Variants in TEX9 observed in about 807,000 individuals in gnomAD.
TEX9 encodes the protein testis expressed 9.
Under a neutral mutation model 59.6 loss-of-function variants are expected in TEX9, and 74 were observed. The ratio of observed to expected loss-of-function variants is 1.24; its 90% CI spans 1.03 to 1.51. The LOEUF (loss-of-function observed/expected upper bound fraction) is 1.51, where lower values mean the gene tolerates loss of function less well. TEX9 is among the 40% of genes most tolerant of loss of function. TEX9 has a pLI of 0.00. For synonymous variants in TEX9, 186 were observed against 152.2 expected, an observed-to-expected ratio of 1.22 and a Z score of -1.64; for missense variants, 522 against 447.8, an observed-to-expected ratio of 1.17 and a Z score of -1.49.
chr15:56,320,695 A>G (rs752551769), intron 1 of TEX9, among the ~76,000 whole-genome samples: 2 of 152,186 alleles, frequency 1.3e-5, no homozygotes, highest in Non-Finnish European at 2.9e-5. Flanking sequence ...TGCTTGCTGT[A>G]TATAATTAGG....
At chr15:56,336,221 C>G (rs559963381) in intron 1 of TEX9, among the ~76,000 whole-genome samples, 1 of 152,256 alleles carries the variant, frequency 6.6e-6, no homozygotes, top group Admixed American at 6.5e-5. Context: ...GGGAAACAGA[C>G]TCTGAGATGG....
chr15:56,288,348 G>GT (rs1372381199), intron 1 of TEX9, among the ~76,000 whole-genome samples: 1 of 151,394 alleles, frequency 6.6e-6, no homozygotes, highest in Non-Finnish European at 1.5e-5. Flanking sequence ...ACTTTCTCAT[G>GT]TTTTTTTGTG....
At chr15:56,438,796 A>G (rs1567149314) in intron 12 of TEX9, among the ~76,000 whole-genome samples, 1 of 152,208 alleles carries the variant, frequency 6.6e-6, no homozygotes, top group Non-Finnish European at 1.5e-5. Context: ...ATTTACAAGA[A>G]AAAATCAAAC....
At chr15:56,269,305 T>G (rs2044466527) in intron 1 of TEX9, among the ~76,000 whole-genome samples, 1 of 152,164 alleles carries the variant, frequency 6.6e-6, no homozygotes, top group African/African-American at 2.4e-5. Flanking sequence ...AAGGGTTTTT[T>G]CGTGTCTCTA....
chr15:56,263,552 T>A (rs2044315157), intron 1 of TEX9, among the ~76,000 whole-genome samples: 1 of 152,122 alleles, frequency 6.6e-6, no homozygotes, highest in African/African-American at 2.4e-5. Context: ...TAATTCAGGT[T>A]TATTGAGGTA....
At chr15:56,394,622 A>T in intron 8 of TEX9, 39 bp from the exon 9 acceptor site, 1 of 1,373,846 alleles carries the variant, frequency 7.3e-7, no homozygotes, top group Non-Finnish European at 1.0e-6. Flanking sequence ...AACAAATCTT[A>T]CATATTTTTT....
At chr15:56,364,167 T>C (rs183660920), upstream of TEX9, among the ~76,000 whole-genome samples, 316 of 152,272 alleles carry the variant, frequency 2.1e-3, no homozygotes, top group South Asian at 6.0e-3. Context: ...TTTGTTTTTT[T>C]CTTGAGATGG....
chr15:56,295,694 G>C (rs1021043798), intron 1 of TEX9, among the ~76,000 whole-genome samples: 1 of 152,174 alleles, frequency 6.6e-6, no homozygotes, highest in Non-Finnish European at 1.5e-5. Context: ...TTACTACTTT[G>C]TATGCCTAGG....
chr15:56,435,951 A>C lies in TEX9; in HGVS notation c.*29+7478A>C, dbSNP rs375771252. On this transcript the variant is annotated intron_variant, in intron 12 of 12. Transcript: ENST00000352903. ...TTAAAAGAATTATTCACCATGACCA[A>C]GTAGTGTTTATTACAGGGATGCAAG... is the stretch of plus-strand genomic sequence containing the variant. Among the ~76,000 whole-genome samples, 4 of 152,208 alleles carry C rather than the reference A, an allele frequency of 2.6e-5. 1 individual carries two copies. The highest frequency in any genetic ancestry group is 6.6e-5 in the Admixed American group (1 of 15,254).
At chr15:56,304,424 T>A (rs1451976184) in intron 1 of TEX9, among the ~76,000 whole-genome samples, 1 of 152,208 alleles carries the variant, frequency 6.6e-6, no homozygotes, top group African/African-American at 2.4e-5. Context: ...CTTCATTCTG[T>A]ATCCAGTTTT....
Position 56,343,777 on chromosome 15 carries a change from C to T in TEX9, c.-106-29664C>T, listed in dbSNP as rs1427347342. On this transcript the variant is annotated intron_variant, in intron 1 of 5. Transcript: ENST00000560827. The stretch of plus-strand genomic sequence containing the variant: ...TATCTAGAATATACAAAAACTCCTA[C>T]AACCCAATAAATAAGAAAATAAATA... Among the ~76,000 whole-genome samples, 5 of 152,166 alleles carry T rather than the reference C, an allele frequency of 3.3e-5. No individual in the cohort carries two copies. The East Asian group carries it at 5.8e-4, about 18-fold the overall frequency.
intron 9 of TEX9, among the ~76,000 whole-genome samples, chr15:56,403,537 G>A (rs1424002357): frequency 2.6e-5 from 4 of 152,182 alleles, no homozygotes; most frequent in Non-Finnish European, 5.9e-5. Flanking sequence ...AATCAATATC[G>A]TGAAAATGGG....
chr15:56,379,705 A>G lies in TEX9; in HGVS notation c.184-4247A>G, dbSNP rs146676242. Among the ~76,000 whole-genome samples the G allele has an allele frequency of 1.1e-4, 16 of 152,246 alleles. No homozygotes were observed. In the East Asian group the frequency reaches 2.9e-3, roughly 28 times the overall value. On this transcript the variant is annotated intron_variant, in intron 3 of 12. Coordinates refer to ENST00000352903, the Ensembl canonical transcript of TEX9. ...CTTTAGCTCGAATAATATTTGCTTTATGTATCTGGGTGCTCCAGTGTTGCA... is the reference window on the plus strand; with the variant it reads ...CTTTAGCTCGAATAATATTTGCTTTGTGTATCTGGGTGCTCCAGTGTTGCA...
chr15:56,280,364 A>G (rs1384417733), intron 1 of TEX9, among the ~76,000 whole-genome samples: 2 of 152,184 alleles, frequency 1.3e-5, no homozygotes, highest in Admixed American at 6.6e-5. Flanking sequence ...TTAGTGTTAA[A>G]CCTTCACATT....
intron 1 of TEX9, among the ~76,000 whole-genome samples, chr15:56,343,804 C>A (rs1404786989): frequency 6.6e-6 from 1 of 151,910 alleles, no homozygotes; most frequent in East Asian, 1.9e-4. Flanking sequence ...AAATAAATAA[C>A]CTATATTTAA....
chr15:56,406,899 A>G (rs2049107541), intron 9 of TEX9, among the ~76,000 whole-genome samples: 1 of 152,166 alleles, frequency 6.6e-6, no homozygotes. Context: ...AGTGTGTTTC[A>G]AAAGACAGCA....
Position 56,246,297 on chromosome 15 carries a change from G to A in TEX9, c.-107+2019G>A, listed in dbSNP as rs577101148. 2.0e-5 allele frequency among the ~76,000 whole-genome samples: 3 copies of A among 152,294 alleles called. No homozygotes were observed. The South Asian group carries it at 6.2e-4, about 32-fold the overall frequency. ...TTCCAGGACCTACAGGGAGTTGAAG[G>A]AGACCAGCAATGGGAGGGGTGGCAG... is the stretch of plus-strand genomic sequence containing the variant. On this transcript the variant is annotated intron_variant, in intron 1 of 5. Coordinates refer to the TEX9 transcript ENST00000560827.
intron 1 of TEX9, among the ~76,000 whole-genome samples, chr15:56,266,911 A>G (rs1272431708): frequency 6.6e-6 from 1 of 152,218 alleles, no homozygotes; most frequent in Non-Finnish European, 1.5e-5. Context: ...ACAGTCGTCC[A>G]TAATGGTTGA....
chr15:56,412,578 A>G, intron 10 of TEX9, 142 bp downstream of exon 10: 6 of 924,740 alleles, frequency 6.5e-6, no homozygotes, highest in Non-Finnish European at 6.3e-6. Flanking sequence ...ATTCATTAGC[A>G]GTATACACAT....
Sources: gnomAD v4.1 joint callset for allele counts (sites outside exome capture counted in the v4.1 genomes callset) on GRCh38, gnomAD v4.1.1 for gene constraint, MANE v1.5 for transcripts, NCBI Gene and HGNC (gene_info 2026-07-23, HGNC 2026-07-21) for gene names.